CSMD1: variants seen among roughly 807,000 people sequenced by gnomAD.
The protein encoded by CSMD1 is CUB and sushi domain-containing protein 1.
In CSMD1, 213 loss-of-function variants were observed where a neutral mutation model predicts 417.5. The observed-to-expected ratio is 0.51, with a 90% CI of 0.46 to 0.57. CSMD1 has a LOEUF of 0.57. Ranked by LOEUF, CSMD1 falls within the 20% of genes least tolerant of loss-of-function variation. The probability of loss-of-function intolerance (pLI) is 0.00; values close to 1 mark genes in which losing one functional copy is unlikely to be tolerated. For missense variants in CSMD1, 6,923 were observed against 4,529.7 expected (o/e 1.53, Z -15.17); for synonymous variants, 2,862 against 1,736.8 (o/e 1.65, Z -16.11).
intron 10 of CSMD1, among the ~76,000 whole-genome samples, chr8:3,533,530 G>C (rs1389467902): frequency 2.0e-5 from 3 of 152,118 alleles, no homozygotes; most frequent in South Asian, 2.1e-4. Context: ...GTGATTCAAA[G>C]ACATCTCTCA....
At chr8:4,888,497 T>G (rs1304995739) in intron 1 of CSMD1, among the ~76,000 whole-genome samples, 1 of 151,518 alleles carries the variant, frequency 6.6e-6, no homozygotes, top group Non-Finnish European at 1.5e-5. Context: ...AAGGATAGAC[T>G]GATAGATGAG....
chr8:4,642,988 G>C (rs1472268247), intron 1 of CSMD1, among the ~76,000 whole-genome samples: 1 of 152,212 alleles, frequency 6.6e-6, no homozygotes, highest in Non-Finnish European at 1.5e-5. Context: ...CAGGACTGCA[G>C]AGGAACAGTC....
chr8:4,630,118 G>C (rs1802420768), intron 2 of CSMD1, among the ~76,000 whole-genome samples: 1 of 152,176 alleles, frequency 6.6e-6, no homozygotes, highest in African/African-American at 2.4e-5. Flanking sequence ...TGAGGAGGTA[G>C]TTGTCTGAAT....
In CSMD1 at chr8:3,031,618, C is replaced by G. The variant is rs189882103; in HGVS notation, c.7661-2105G>C. Among the ~76,000 whole-genome samples the G allele has an allele frequency of 3.9e-5, 6 of 151,966 alleles. No homozygotes were observed. In the South Asian group the frequency reaches 6.2e-4, roughly 16 times the overall value. Reference sequence around the variant, plus strand: ...TCTAGTTATATGGCCCACGCTGGTCCTGAAGTCTTGGGTCAAGTGATCCTC... The same window carrying G: ...TCTAGTTATATGGCCCACGCTGGTCGTGAAGTCTTGGGTCAAGTGATCCTC... On this transcript the variant is annotated intron_variant, in intron 50 of 69. Transcript: ENST00000635120.
intron 5 of CSMD1, among the ~76,000 whole-genome samples, chr8:3,867,120 T>C (rs2129109342): frequency 6.6e-6 from 1 of 152,334 alleles, no homozygotes; most frequent in East Asian, 1.9e-4. Flanking sequence ...ATTTTTTTTC[T>C]ACTATACTGT....
At chr8:3,099,030 C>T (rs935513285) in intron 46 of CSMD1, among the ~76,000 whole-genome samples, 12 of 152,100 alleles carry the variant, frequency 7.9e-5, no homozygotes, top group African/African-American at 2.7e-4. Context: ...GACACTCCCC[C>T]CAAACCCCTC....
chr8:4,103,300 G>A (rs988196844), intron 3 of CSMD1, among the ~76,000 whole-genome samples: 2 of 151,208 alleles, frequency 1.3e-5, no homozygotes, highest in East Asian at 1.9e-4. Flanking sequence ...ACGTGTGTGT[G>A]CATATACACA....
chr8:3,570,915 T>A (rs1799916203), intron 10 of CSMD1, among the ~76,000 whole-genome samples: 1 of 152,220 alleles, frequency 6.6e-6, no homozygotes, highest in Non-Finnish European at 1.5e-5. Context: ...AGAATTTCAA[T>A]TATTCTAGTA....
chr8:3,731,678 A>C (rs1199368006), intron 6 of CSMD1, among the ~76,000 whole-genome samples: 3 of 152,192 alleles, frequency 2.0e-5, no homozygotes, highest in African/African-American at 4.8e-5. Flanking sequence ...GGTCAGCAAC[A>C]ATTGAGGAAA....
chr8:4,821,030 G>C (rs1198146575), intron 1 of CSMD1, among the ~76,000 whole-genome samples: 1 of 152,094 alleles, frequency 6.6e-6, no homozygotes, highest in Non-Finnish European at 1.5e-5. Context: ...GCACGGCTTA[G>C]ATTGCTCCAC....
intron 50 of CSMD1, among the ~76,000 whole-genome samples, chr8:3,038,548 ATTTGT>A (rs1563265828): frequency 6.6e-6 from 1 of 151,906 alleles, no homozygotes; most frequent in African/African-American, 2.4e-5. Flanking sequence ...TCTTGTGGTT[ATTTGT>A]TTTGTTTTTA....
intron 2 of CSMD1, among the ~76,000 whole-genome samples, chr8:4,468,652 C>G (rs547557823): frequency 6.6e-6 from 1 of 152,168 alleles, no homozygotes; most frequent in Non-Finnish European, 1.5e-5. Context: ...TCCTACTAAA[C>G]CTAGGTAGAT....
chr8:4,530,314 CTTTTTTT>C (rs759268228), intron 2 of CSMD1, among the ~76,000 whole-genome samples: 176 of 46,686 alleles, frequency 3.8e-3, no homozygotes, highest in African/African-American at 0.013. Context: ...ACAGGTAGTG[CTTTTTTT>C]TTTTTTTTTT....
At chr8:4,533,618 C>A (rs1387618062) in intron 2 of CSMD1, among the ~76,000 whole-genome samples, 2 of 151,794 alleles carry the variant, frequency 1.3e-5, no homozygotes, top group South Asian at 2.1e-4. Flanking sequence ...GAAAATAACC[C>A]ACTAATGATG....
intron 3 of CSMD1, among the ~76,000 whole-genome samples, chr8:4,216,267 A>G (rs1800661798): frequency 6.6e-6 from 1 of 151,914 alleles, no homozygotes; most frequent in Non-Finnish European, 1.5e-5. Flanking sequence ...TCACTCTACG[A>G]GACCTGACCT....
chr8:4,002,982 T>C lies in CSMD1; in HGVS notation c.611-4872A>G, dbSNP rs143442225. On this transcript the variant is annotated intron_variant, in intron 4 of 69. Transcript: ENST00000635120. ...AAAAATAACTTTATAAGTAAACCAA[T>C]CTACCTGTTTAATTTTTTCAAAATA... 7.2e-3 allele frequency among the ~76,000 whole-genome samples: 1,098 copies of C among 152,114 alleles called. 11 individuals are homozygous for C. Among genetic ancestry groups the C allele is most frequent in the African/African-American group, 0.024 (1,013 of 41,444 alleles).
intron 2 of CSMD1, among the ~76,000 whole-genome samples, chr8:4,488,833 T>A (rs1327915600): frequency 6.6e-6 from 1 of 152,206 alleles, no homozygotes; most frequent in Non-Finnish European, 1.5e-5. Context: ...GATCGCCAGT[T>A]CCTTCCTGAT....
At chr8:3,573,034 C>G (rs1800006764) in intron 10 of CSMD1, among the ~76,000 whole-genome samples, 1 of 151,702 alleles carries the variant, frequency 6.6e-6, no homozygotes, top group Non-Finnish European at 1.5e-5. Flanking sequence ...AAATAAAACT[C>G]TTTTTTGTTA....
At chr8:3,357,629 C>G (rs1808879713) in intron 21 of CSMD1, among the ~76,000 whole-genome samples, 1 of 152,176 alleles carries the variant, frequency 6.6e-6, no homozygotes, top group Non-Finnish European at 1.5e-5. Flanking sequence ...AATCAGTAGA[C>G]TACTGACTGT....
Sources: allele counts gnomAD v4.1 joint callset (sites outside exome capture counted in the v4.1 genomes callset), GRCh38; gene constraint gnomAD v4.1.1; transcripts MANE v1.5; gene names NCBI Gene and HGNC (gene_info 2026-07-23, HGNC 2026-07-21).